The following PTPRD variants were observed in gnomAD, a reference collection of about 807,000 sequenced individuals.
PTPRD encodes protein tyrosine phosphatase receptor type D.
Under a neutral mutation model 214.5 loss-of-function variants are expected in PTPRD, and 34 were observed. That is an observed-to-expected ratio of 0.16 (90% CI 0.12 to 0.21). The LOEUF (loss-of-function observed/expected upper bound fraction) is 0.21. Ranked by LOEUF, PTPRD falls within the 10% of genes least tolerant of loss-of-function variation. PTPRD has a pLI of 1.00. For synonymous variants in PTPRD, 1,128 were observed against 845.7 expected (o/e 1.33, Z -5.79); for missense variants, 2,545 against 2,398.7 (o/e 1.06, Z -1.27).
At chr9:9,685,344 C>T (rs1423322096) in intron 7 of PTPRD, among the ~76,000 whole-genome samples, 3 of 151,122 alleles carry the variant, frequency 2.0e-5, no homozygotes, top group African/African-American at 7.2e-5. Context: ...CACATATACA[C>T]TTAAACATGT....
At position 9,463,100 on chromosome 9, in the gene PTPRD, C is replaced by A. The variant is rs977791626; in HGVS notation, c.-236-65618G>T. On this transcript the variant is annotated intron_variant, in intron 8 of 45. Coordinates refer to ENST00000381196, the MANE Select transcript of PTPRD (RefSeq NM_002839.4). ...CGAAGAGACTAAATAGGAACAAAAGCCTTTGTGGCCTCTTCAGACTGAACC... is the reference window on the plus strand; with the variant it reads ...CGAAGAGACTAAATAGGAACAAAAGACTTTGTGGCCTCTTCAGACTGAACC... 5.9e-5 allele frequency among the ~76,000 whole-genome samples: 9 copies of A among 151,480 alleles called. No individual in the cohort carries two copies. The East Asian group carries it at 1.7e-3, about 29-fold the overall frequency.
At chr9:9,414,752 C>T (rs2076508292) in intron 8 of PTPRD, 1 of 152,180 alleles carries the variant, frequency 6.6e-6, no homozygotes, top group Non-Finnish European at 1.5e-5. Context: ...AAATACTTAC[C>T]AGGTAGCTAT....
intron 8 of PTPRD, among the ~76,000 whole-genome samples, chr9:9,426,594 G>A (rs1448402348): frequency 6.6e-6 from 1 of 152,156 alleles, no homozygotes; most frequent in East Asian, 1.9e-4. Context: ...ATCTGAGAAC[G>A]GAGAGACTGC....
chr9:10,274,208 C>T (rs2094560640), intron 3 of PTPRD, among the ~76,000 whole-genome samples: 1 of 152,246 alleles, frequency 6.6e-6, no homozygotes, highest in East Asian at 1.9e-4. Context: ...AAAACTGGAT[C>T]ATTTCAGACA....
At chr9:10,177,117 A>G (rs1044211381) in intron 3 of PTPRD, among the ~76,000 whole-genome samples, 1 of 151,990 alleles carries the variant, frequency 6.6e-6, no homozygotes, top group African/African-American at 2.4e-5. Context: ...AATGGAAATG[A>G]AAGTTGCTTC....
rs71317383 is a variant in PTPRD at position 8,933,340 on chromosome 9, G to GTT, written c.-104+85355_-104+85356dup. ...CCATCTTGCCAGCCACAACCTTGAG[G>GTT]TTTTTTTTTTTTTTTTTTTTTTTAC... On this transcript the variant is annotated intron_variant, in intron 11 of 45. Transcript: ENST00000381196. Among the ~76,000 whole-genome samples, 570 of 80,200 alleles carry GTT rather than the reference G, an allele frequency of 7.1e-3. 37 individuals are homozygous for GTT. Among genetic ancestry groups the GTT allele is most frequent in the African/African-American group, 0.013 (264 of 19,722 alleles). The allele number at this position is 80,200 out of a possible 152,430, so 52.6% of individuals were successfully genotyped here.
chr9:9,403,573 A>T (rs1478554632), intron 8 of PTPRD, among the ~76,000 whole-genome samples: 1 of 152,056 alleles, frequency 6.6e-6, no homozygotes, highest in Non-Finnish European at 1.5e-5. Context: ...ATTGTAAAAA[A>T]TATTTTAACC....
chr9:8,651,676 T>C (rs985782830), intron 12 of PTPRD, among the ~76,000 whole-genome samples: 4 of 152,118 alleles, frequency 2.6e-5, no homozygotes, highest in African/African-American at 9.7e-5. Context: ...CTGAAACACA[T>C]ACACACTACA....
At chr9:8,657,694 C>T (rs2096940721) in intron 12 of PTPRD, among the ~76,000 whole-genome samples, 1 of 152,106 alleles carries the variant, frequency 6.6e-6, no homozygotes, top group Non-Finnish European at 1.5e-5. Context: ...GGGTATTCAT[C>T]ATGAAATCTT....
Position 10,434,401 on chromosome 9 carries a change from C to T in PTPRD, c.-599-93384G>A, listed in dbSNP as rs1029877798. The stretch of plus-strand genomic sequence containing the variant: ...TAATAACTAAAATTTATAGTCAACT[C>T]TTAAGAAAATGTTAAATATTCTAAA... On this transcript the variant is annotated intron_variant, in intron 2 of 45. Coordinates refer to ENST00000381196, the MANE Select transcript of PTPRD (RefSeq NM_002839.4). Among the ~76,000 whole-genome samples the T allele has an allele frequency of 3.9e-5, 6 of 151,952 alleles. 1 individual carries two copies. The highest frequency in any genetic ancestry group is 2.6e-4 in the Admixed American group (4 of 15,184).
At chr9:8,524,181 A>ATCATTTCTATTACT (rs2097953754) in intron 18 of PTPRD, among the ~76,000 whole-genome samples, 1 of 152,210 alleles carries the variant, frequency 6.6e-6, no homozygotes, top group Non-Finnish European at 1.5e-5. Context: ...TCACAGTTTA[A>ATCATTTCTATTACT]TCATTTCTAT....
rs2098978899 is a variant in PTPRD at position 8,934,465 on chromosome 9, A to ATATATATATATT, written c.-104+84231_-104+84232insAATATATATATA. On this transcript the variant is annotated intron_variant, in intron 11 of 45. Transcript: ENST00000381196. Reference sequence around the variant, plus strand: ...TATATATAAATTTATATATATATAAATATATATATATAAATATATATATAT... The same window carrying ATATATATATATT: ...TATATATAAATTTATATATATATAAATATATATATATTTATATATATATAAATATATATATAT... Among the ~76,000 whole-genome samples the ATATATATATATT allele has an allele frequency of 2.6e-4, 2 of 7,600 alleles. 1 individual carries two copies. The highest frequency in any genetic ancestry group is 7.1e-3 in the East Asian group (2 of 282). The allele number at this position is 7,600 out of a possible 152,430, so 5.0% of individuals were successfully genotyped here. A position where few individuals can be genotyped will look rare whatever the true frequency, so the allele number is the denominator to read the frequency against.
At chr9:9,227,257 T>A (rs775958863) in intron 9 of PTPRD, among the ~76,000 whole-genome samples, 1 of 152,070 alleles carries the variant, frequency 6.6e-6, no homozygotes, top group Non-Finnish European at 1.5e-5. Context: ...TTCATACACA[T>A]CACAACCCTT....
chr9:8,365,149 T>A lies in PTPRD; in HGVS notation c.4661+10787A>T, dbSNP rs559575189. Reference sequence around the variant, plus strand: ...TCAACTCTGAAATTTAAAAAAAAAATTAAAAAAAGAGAAGGCTGCAGGAGG... The same window carrying A: ...TCAACTCTGAAATTTAAAAAAAAAAATAAAAAAAGAGAAGGCTGCAGGAGG... On this transcript the variant is annotated intron_variant, in intron 39 of 45. Transcript: ENST00000381196. 4.6e-4 allele frequency among the ~76,000 whole-genome samples: 70 copies of A among 151,362 alleles called. No homozygotes were observed. The East Asian group carries it at 0.012, about 25-fold the overall frequency.
intron 9 of PTPRD, among the ~76,000 whole-genome samples, chr9:9,344,378 G>A (rs982199467): frequency 6.6e-6 from 1 of 152,018 alleles, no homozygotes; most frequent in Admixed American, 6.6e-5. Flanking sequence ...CCTAATGCAT[G>A]CGGGGCTTAA....
chr9:10,140,922 C>T (rs1032033716), intron 3 of PTPRD, among the ~76,000 whole-genome samples: 7 of 151,888 alleles, frequency 4.6e-5, no homozygotes, highest in African/African-American at 1.7e-4. Context: ...GGCTTCATCC[C>T]TGGGATGCAA....
chr9:9,105,060 T>C (rs1419885823), intron 10 of PTPRD, among the ~76,000 whole-genome samples: 2 of 152,140 alleles, frequency 1.3e-5, no homozygotes, highest in African/African-American at 2.4e-5. Context: ...ATAATACATA[T>C]CCTATTTATT....
chr9:9,367,639 A>G (rs1259927598), intron 9 of PTPRD, among the ~76,000 whole-genome samples: 1 of 151,662 alleles, frequency 6.6e-6, no homozygotes, highest in African/African-American at 2.4e-5. Context: ...GCCAGAAGTT[A>G]AATTTTTAGG....
chr9:8,590,251 A>C (rs1324004355), intron 14 of PTPRD, among the ~76,000 whole-genome samples: 1 of 152,190 alleles, frequency 6.6e-6, no homozygotes, highest in Non-Finnish European at 1.5e-5. Flanking sequence ...AAATGAATGA[A>C]GTTCTAAATA....
Sources: allele counts gnomAD v4.1 joint callset (sites outside exome capture counted in the v4.1 genomes callset), GRCh38; gene constraint gnomAD v4.1.1; transcripts MANE v1.5; gene names NCBI Gene and HGNC (gene_info 2026-07-23, HGNC 2026-07-21).